ATP9B: variants seen among roughly 807,000 people sequenced by gnomAD.
ATP9B encodes the protein probable phospholipid-transporting ATPase IIB.
A neutral mutation model predicts 146.1 loss-of-function variants in ATP9B; 110 were observed. That is an observed-to-expected ratio of 0.75 (90% CI 0.65 to 0.88). The LOEUF is 0.88. Ranked by LOEUF, ATP9B falls within the 40% of genes least tolerant of loss-of-function variation. ATP9B has a pLI of 0.00. For missense variants in ATP9B, 1,499 were observed against 1,496.4 expected, an observed-to-expected ratio of 1.00 and a Z score of -0.03; for synonymous variants, 604 against 569.7, an observed-to-expected ratio of 1.06 and a Z score of -0.86.
chr18:79,341,393 C>T (rs1321376472), intron 19 of ATP9B, among the ~76,000 whole-genome samples: 6 of 100,002 alleles, frequency 6.0e-5, no homozygotes, highest in Non-Finnish European at 4.1e-5. Flanking sequence ...AGCGTGACCT[C>T]GTTGAAGCCT....
intron 5 of ATP9B, among the ~76,000 whole-genome samples, chr18:79,131,406 C>CA (rs1238659603): frequency 6.6e-6 from 1 of 152,114 alleles, no homozygotes; most frequent in African/African-American, 2.4e-5. Flanking sequence ...TACAGATGGC[C>CA]AACATACATG....
At chr18:79,223,666 T>C (rs2095702209) in intron 11 of ATP9B, among the ~76,000 whole-genome samples, 1 of 152,180 alleles carries the variant, frequency 6.6e-6, no homozygotes, top group Non-Finnish European at 1.5e-5. Context: ...CCAGGGTGGC[T>C]CTTTGGGGTA....
At chr18:79,188,148 C>T (rs545272066) in intron 8 of ATP9B, among the ~76,000 whole-genome samples, 1 of 151,830 alleles carries the variant, frequency 6.6e-6, no homozygotes, top group East Asian at 1.9e-4. Context: ...AGTAGGTGTT[C>T]CAGGAACAGA....
Position 79,231,115 on chromosome 18 carries a change from CCAAAAGCAAATGCAA to C in ATP9B, c.1107+17082_1107+17096del, listed in dbSNP as rs1252001635. 7.2e-5 allele frequency among the ~76,000 whole-genome samples: 11 copies of C among 152,202 alleles called. No homozygotes were observed. The East Asian group carries it at 2.1e-3, about 29-fold the overall frequency. On this transcript the variant is annotated intron_variant, in intron 11 of 29. Transcript: ENST00000426216. ...AGGCAAAGACTTCGTGACCAAGAAC[CCAAAAGCAAATGCAA>C]CAAAGACAGATAGATAGACGCGACA...
chr18:79,368,959 C>A (rs940062915), intron 26 of ATP9B, among the ~76,000 whole-genome samples: 8 of 145,724 alleles, frequency 5.5e-5, no homozygotes, highest in African/African-American at 2.0e-4. Context: ...GGGCTTCTCT[C>A]CCCGGCGCCA....
intron 7 of ATP9B, among the ~76,000 whole-genome samples, chr18:79,160,409 A>G (rs937570166): frequency 1.5e-4 from 23 of 152,328 alleles, no homozygotes; most frequent in African/African-American, 5.3e-4. Flanking sequence ...TACTTCACCT[A>G]CTTATTTATG....
At chr18:79,206,814 G>A in intron 9 of ATP9B, 123 bp from the exon 10 acceptor site, 1 of 799,430 alleles carries the variant, frequency 1.3e-6, no homozygotes. Context: ...GTTTTGCAGT[G>A]CCTTTGCACT....
intron 13 of ATP9B, among the ~76,000 whole-genome samples, chr18:79,285,761 T>TA (rs2096432405): frequency 1.3e-5 from 2 of 152,368 alleles, no homozygotes; most frequent in South Asian, 4.1e-4. Context: ...GTCTAACGTT[T>TA]AAGTCTTTAA....
At chr18:79,296,112 C>T (rs1415858309) in intron 13 of ATP9B, among the ~76,000 whole-genome samples, 3 of 152,170 alleles carry the variant, frequency 2.0e-5, no homozygotes, top group Non-Finnish European at 4.4e-5. Flanking sequence ...AACTCCTGAG[C>T]GCAGTCCATC....
Position 79,246,395 on chromosome 18 carries a change from G to A in ATP9B, c.1108-6986G>A, listed in dbSNP as rs541864321. 1.4e-3 allele frequency among the ~76,000 whole-genome samples: 217 copies of A among 151,924 alleles called. 1 individual carries two copies. Among genetic ancestry groups the A allele is most frequent in the African/African-American group, 5.1e-3 (209 of 41,286 alleles). On this transcript the variant is annotated intron_variant, in intron 11 of 29. Transcript: ENST00000426216. The stretch of plus-strand genomic sequence containing the variant: ...GAGGGCACCGCCCTACTGACTGTGA[G>A]GAGGACACCGCCCTACTGACTGTGC...
intron 26 of ATP9B, chr18:79,363,042 G>A (rs981695341): frequency 4.2e-5 from 6 of 142,468 alleles, no homozygotes; most frequent in Middle Eastern, 3.5e-3. Flanking sequence ...TAGGAAGGAG[G>A]AAATAAAAAT....
At chr18:79,218,197 C>T (rs1382829499) in intron 11 of ATP9B, among the ~76,000 whole-genome samples, 1 of 152,154 alleles carries the variant, frequency 6.6e-6, no homozygotes, top group Non-Finnish European at 1.5e-5. Flanking sequence ...CTGGCAGCTC[C>T]TGCTTCTTGT....
chr18:79,354,997 CT>C (rs2147737593), intron 25 of ATP9B, among the ~76,000 whole-genome samples: 1 of 152,338 alleles, frequency 6.6e-6, no homozygotes, highest in Admixed American at 6.5e-5. Context: ...GAAAGTGCCA[CT>C]TCACGAGATG....
Position 79,213,940 on chromosome 18 carries a change from G to T in ATP9B, c.1031-22G>T. ...CTCATCTTTAAAGTATTTCTACAAG[G>T]ACCACTTTCATGTTTTTGCAGGTAC... is the stretch of plus-strand genomic sequence containing the variant. On this transcript the variant is annotated intron_variant, in intron 10 of 29. Transcript: ENST00000426216. 4 of 1,554,598 alleles carry T rather than the reference G, an allele frequency of 2.6e-6. No homozygotes were observed. The South Asian group carries it at 4.8e-5, about 19-fold the overall frequency.
Position 79,315,709 on chromosome 18 carries a change from C to T in ATP9B, c.1773+8475C>T, listed in dbSNP as rs139126002. On this transcript the variant is annotated intron_variant, in intron 15 of 29. Coordinates refer to ENST00000426216, the MANE Select transcript of ATP9B (RefSeq NM_198531.5). ...AATTGCCCCGTATTTTGTATTCTCT[C>T]ATATGATATTACTTCTGGCTGTGCT... Among the ~76,000 whole-genome samples the T allele has an allele frequency of 3.4e-3, 514 of 152,272 alleles. 4 individuals are homozygous for T. The highest frequency in any genetic ancestry group is 4.6e-3 in the Non-Finnish European group (312 of 68,028).
intron 26 of ATP9B, among the ~76,000 whole-genome samples, chr18:79,365,608 C>T (rs995959832): frequency 6.6e-6 from 1 of 152,404 alleles, no homozygotes; most frequent in Non-Finnish European, 1.5e-5. Flanking sequence ...ACCTTGTGCC[C>T]TTCAGCCAGT....
chr18:79,130,413 G>A, intron 5 of ATP9B, among the ~76,000 whole-genome samples: 1 of 108,432 alleles, frequency 9.2e-6, no homozygotes, highest in East Asian at 3.3e-4. Context: ...TTGAGGAGCA[G>A]AAAGAATGGG....
At chr18:79,172,210 C>CA (rs2095085238) in intron 7 of ATP9B, among the ~76,000 whole-genome samples, 1 of 145,042 alleles carries the variant, frequency 6.9e-6, no homozygotes, top group Non-Finnish European at 1.5e-5. Context: ...CCGTGCCCCG[C>CA]CCTTGCGATC....
At chr18:79,203,413 C>A (rs2095506539) in intron 9 of ATP9B, among the ~76,000 whole-genome samples, 1 of 152,204 alleles carries the variant, frequency 6.6e-6, no homozygotes, top group African/African-American at 2.4e-5. Flanking sequence ...GGAGCAAGTA[C>A]CTGATGCTTC....
Sources: allele counts gnomAD v4.1 joint callset (sites outside exome capture counted in the v4.1 genomes callset), GRCh38; gene constraint gnomAD v4.1.1; transcripts MANE v1.5; gene names NCBI Gene and HGNC (gene_info 2026-07-23, HGNC 2026-07-21).